The following ZNF318 variants were observed in gnomAD, a reference collection of about 807,000 sequenced individuals.
The protein encoded by ZNF318 is endocrine regulator.
A neutral mutation model predicts 124.2 loss-of-function variants in ZNF318; 51 were observed. The ratio of observed to expected loss-of-function variants is 0.41; its 90% confidence interval spans 0.33 to 0.52. The LOEUF (loss-of-function observed/expected upper bound fraction) is 0.52, where lower values mean the gene tolerates loss of function less well. ZNF318 is among the 20% of genes least tolerant of loss of function. The probability of loss-of-function intolerance (pLI) is 0.23; values close to 1 mark genes in which losing one functional copy is unlikely to be tolerated. For synonymous variants in ZNF318, 1,090 were observed against 1,040.7 expected, an observed-to-expected ratio of 1.05 and a Z score of -0.91; for missense variants, 2,815 against 2,811.2, an observed-to-expected ratio of 1.00 and a Z score of -0.03.
chr6:43,365,253 A>C (rs916099774), intron 2 of ZNF318, 39 bp downstream of exon 2: 2 of 1,577,042 alleles, frequency 1.3e-6, no homozygotes, highest in African/African-American at 2.7e-5. Flanking sequence ...TCTGCCTTCA[A>C]GTACTAGTAT....
chr6:43,350,249 C>CAAAG (rs891974203), intron 5 of ZNF318, among the ~76,000 whole-genome samples: 60 of 151,250 alleles, frequency 4.0e-4, no homozygotes, highest in African/African-American at 1.4e-3. Context: ...GGCTCCATCT[C>CAAAG]AAAGAAAGAA....
At chr6:43,352,873 G>A (rs1779548861) in intron 4 of ZNF318, among the ~76,000 whole-genome samples, 1 of 152,226 alleles carries the variant, frequency 6.6e-6, no homozygotes, top group Non-Finnish European at 1.5e-5. Context: ...TATGCCCAGA[G>A]TAGCATGTTG....
At chr6:43,352,070 G>T (rs1347611096) in intron 5 of ZNF318, among the ~76,000 whole-genome samples, 1 of 148,606 alleles carries the variant, frequency 6.7e-6, no homozygotes, top group African/African-American at 2.5e-5. Flanking sequence ...CTTGAACCCG[G>T]GGGACAGAGG....
At chr6:43,367,035 A>G (rs1428267411) in intron 1 of ZNF318, among the ~76,000 whole-genome samples, 1 of 152,162 alleles carries the variant, frequency 6.6e-6, no homozygotes, top group Non-Finnish European at 1.5e-5. Context: ...TATTTTTAGT[A>G]GAGACGGTGT....
chr6:43,361,963 C>A (rs1779685838), intron 2 of ZNF318, among the ~76,000 whole-genome samples: 1 of 152,002 alleles, frequency 6.6e-6, no homozygotes, highest in African/African-American at 2.4e-5. Flanking sequence ...TGAAACCAGC[C>A]TAGGCAACAC....
Position 43,355,289 on chromosome 6 carries a change from T to A in ZNF318, c.2045A>T (p.His682Leu). 6.2e-7 allele frequency: 1 copy of A among 1,614,208 alleles called. No homozygotes were observed. The highest frequency in any genetic ancestry group is 8.5e-7 in the Non-Finnish European group (1 of 1,180,030). Residue 682 changes from histidine to leucine, a missense_variant, in exon 4 of 10, where the codon CAT becomes CTT. Physicochemically the swap from His to Leu is moderately conservative, Grantham distance 99. This residue lies in a region of ZNF318 where 1,377 missense variants were observed against 1,353.5 expected (regional missense o/e 1.02). Coordinates refer to ENST00000361428, the MANE Select transcript of ZNF318 (RefSeq NM_014345.3). ...CTCTGGAGAGTGGGTATTGCTATGA[T>A]GTGCCTCCCTGCTCTCTAGTCTGTG... Reference protein sequence around the residue: ...DPHRLESREAHHSNTHSPEVS... With the variant: ...DPHRLESREALHSNTHSPEVS...
intron 2 of ZNF318, among the ~76,000 whole-genome samples, chr6:43,358,316 C>T (rs1169799833): frequency 6.6e-6 from 1 of 151,984 alleles, no homozygotes; most frequent in South Asian, 2.1e-4. Context: ...GATGCAATCT[C>T]GGCTCACTGC....
At position 43,339,930 on chromosome 6, in the gene ZNF318, G is replaced by A. The variant is rs1562128474; in HGVS notation, c.4068C>T (p.Ser1356=). 1 of 1,614,148 alleles carries A rather than the reference G, an allele frequency of 6.2e-7. No homozygotes were observed. Among genetic ancestry groups the A allele is most frequent in the African/African-American group, 1.3e-5 (1 of 75,022 alleles). ...TKIRPNLPIP[S]TVLRKSCSAT... ...CTGAACATGACTTGCGGAGTACTGT[G>A]GATGGAATAGGCAGGTTGGGTCGGA... Residue 1356 remains serine, a synonymous_variant, in exon 10 of 10, where the codon TCC becomes TCT. Coordinates refer to ENST00000361428, the MANE Select transcript of ZNF318 (RefSeq NM_014345.3). The surrounding 1 kb of genome is among the most constrained non-coding windows in gnomAD (Gnocchi z 4.2).
chr6:43,365,053 A>G (rs1424808032), intron 2 of ZNF318, among the ~76,000 whole-genome samples: 2 of 152,096 alleles, frequency 1.3e-5, no homozygotes, highest in Non-Finnish European at 2.9e-5. Flanking sequence ...TTCTAGTCAG[A>G]CTCAGATGAC....
chr6:43,341,719 A>G (rs1779375641), intron 8 of ZNF318, among the ~76,000 whole-genome samples: 1 of 151,900 alleles, frequency 6.6e-6, no homozygotes, highest in South Asian at 2.1e-4. Context: ...TTCTCCACTT[A>G]CCCCTTAATA....
chr6:43,349,820 A>G (rs944229955), intron 5 of ZNF318, among the ~76,000 whole-genome samples: 2 of 152,190 alleles, frequency 1.3e-5, no homozygotes, highest in East Asian at 3.8e-4. Flanking sequence ...ACTGTGGTTC[A>G]TGCCTGTAAT....
At chr6:43,368,248 C>A (rs1273126973) in intron 1 of ZNF318, among the ~76,000 whole-genome samples, 1 of 152,198 alleles carries the variant, frequency 6.6e-6, no homozygotes, top group Non-Finnish European at 1.5e-5. Flanking sequence ...CACAGCTCCA[C>A]CACTTAGCCG....
At chr6:43,356,371 C>A (rs1407323933) in intron 3 of ZNF318, among the ~76,000 whole-genome samples, 1 of 152,124 alleles carries the variant, frequency 6.6e-6, no homozygotes, top group Non-Finnish European at 1.5e-5. Flanking sequence ...TGGATGGAAT[C>A]CTCACCTTTA....
chr6:43,356,822 T>C (rs1041970442), intron 3 of ZNF318, among the ~76,000 whole-genome samples: 33 of 152,174 alleles, frequency 2.2e-4, no homozygotes, highest in Non-Finnish European at 2.1e-4. Flanking sequence ...CCTTCAAGGT[T>C]CATTTCCAAC....
At chr6:43,364,755 T>G (rs1318996865) in intron 2 of ZNF318, among the ~76,000 whole-genome samples, 1 of 152,164 alleles carries the variant, frequency 6.6e-6, no homozygotes, top group Non-Finnish European at 1.5e-5. Flanking sequence ...ACTCAATAGT[T>G]GTAAAATAAT....
intron 1 of ZNF318, 122 bp downstream of exon 1, chr6:43,368,845 G>A (rs1158770586): frequency 3.2e-6 from 4 of 1,235,484 alleles, no homozygotes; most frequent in Non-Finnish European, 4.1e-6. Flanking sequence ...ATCCCCGAGG[G>A]AGTTGGCCGG....
Position 43,357,322 on chromosome 6 carries a change from C to T in ZNF318, c.992G>A (p.Arg331Gln), listed in dbSNP as rs968416274. ...ARRKREEEEERSRSLSQELVG... is the reference protein window; with the variant it reads ...ARRKREEEEEQSRSLSQELVG... The stretch of plus-strand genomic sequence containing the variant: ...CAGCTCCTGACTCAAGCTCCTACTT[C>T]GCTCCTCCTCTTCCTCTCGCTTTCG... Residue 331 changes from arginine (R) to glutamine (Q), a missense_variant, in exon 3 of 10, where the codon CGA becomes CAA. Arg to Gln is a conservative substitution (Grantham distance 43, BLOSUM62 1). This residue lies in a region of ZNF318 where 1,377 missense variants were observed against 1,353.5 expected (regional missense o/e 1.02). Coordinates refer to ENST00000361428, the MANE Select transcript of ZNF318 (RefSeq NM_014345.3). 4 of 1,614,180 alleles carry T rather than the reference C, an allele frequency of 2.5e-6. No individual in the cohort carries two copies. Among genetic ancestry groups the T allele is most frequent in the African/African-American group, 1.3e-5 (1 of 75,044 alleles).
rs1318287936 is a variant in ZNF318 at position 43,365,449 on chromosome 6, G to T, written c.400-9C>A. On this transcript the variant is annotated splice_polypyrimidine_tract_variant and intron_variant, in intron 1 of 9. Coordinates refer to ENST00000361428, the MANE Select transcript of ZNF318 (RefSeq NM_014345.3). ...AGACCAGGAGAGCGTCTCTACAAAA[G>T]TAAAGGATAATATGGTTAGTCAATA... 1 of 1,612,052 alleles carries T rather than the reference G, an allele frequency of 6.2e-7. No individual in the cohort carries two copies. The highest frequency in any genetic ancestry group is 1.1e-5 in the South Asian group (1 of 91,018).
chr6:43,363,673 C>A (rs933062625), intron 2 of ZNF318: 3 of 545,740 alleles, frequency 5.5e-6, no homozygotes, highest in African/African-American at 1.9e-5. Context: ...CTTCTTCCTG[C>A]CCATCAAGGA....
Sources: gnomAD v4.1 joint callset for allele counts (sites outside exome capture counted in the v4.1 genomes callset) on GRCh38, gnomAD v4.1.1 for gene constraint, gnomAD v4.1.1 regional missense constraint, Gnocchi (gnomAD v3.1) non-coding constraint, MANE v1.5 for transcripts, NCBI Gene and HGNC (gene_info 2026-07-23, HGNC 2026-07-21) for gene names.